Variants in PCDHA3 observed in about 807,000 individuals in gnomAD.
The protein encoded by PCDHA3 is protocadherin alpha-3.
A neutral mutation model predicts 62.2 loss-of-function variants in PCDHA3; 41 were observed. The ratio of observed to expected loss-of-function variants is 0.66; its 90% confidence interval spans 0.51 to 0.86. The LOEUF (loss-of-function observed/expected upper bound fraction) is 0.86, where lower values mean the gene tolerates loss of function less well. PCDHA3 is among the 40% of genes least tolerant of loss of function. The pLI is 0.00. For missense variants in PCDHA3, 1,304 were observed against 1,241.2 expected, an observed-to-expected ratio of 1.05 and a Z score of -0.76; for synonymous variants, 640 against 555.4, an observed-to-expected ratio of 1.15 and a Z score of -2.14.
At chr5:140,822,191 T>C in intron 1 of PCDHA3, 1 of 1,614,246 alleles carries the variant, frequency 6.2e-7, no homozygotes, top group Non-Finnish European at 8.5e-7. Context: ...GAACAAAGAT[T>C]ATTCATTTTA....
intron 1 of PCDHA3, chr5:140,849,333 T>G: frequency 2.9e-6 from 4 of 1,383,164 alleles, no homozygotes; most frequent in Non-Finnish European, 4.0e-6. Context: ...TATTATTTAC[T>G]CCTTCTCCAG....
intron 3 of PCDHA3, among the ~76,000 whole-genome samples, chr5:141,007,451 C>A (rs2098330384): frequency 6.6e-6 from 1 of 151,640 alleles, no homozygotes; most frequent in Non-Finnish European, 1.5e-5. Context: ...GCCTGTAGTC[C>A]CAGCTACTCA....
At chr5:140,919,516 A>G (rs1207061379) in intron 1 of PCDHA3, among the ~76,000 whole-genome samples, 2 of 152,078 alleles carry the variant, frequency 1.3e-5, no homozygotes. Flanking sequence ...TATATGTTTT[A>G]ATTCTCTTTT....
intron 1 of PCDHA3, chr5:140,884,546 T>C (rs1554181711): frequency 6.2e-7 from 1 of 1,614,082 alleles, no homozygotes; most frequent in Non-Finnish European, 8.5e-7. Flanking sequence ...GAGGGTGTGC[T>C]CTGGGGAGGG....
At chr5:140,877,920 C>A in intron 1 of PCDHA3, 1 of 1,422,738 alleles carries the variant, frequency 7.0e-7, no homozygotes, top group Admixed American at 2.9e-5. Flanking sequence ...TCTCATTTTT[C>A]TTTATGATTC....
At chr5:140,894,151 A>G (rs1554185957) in intron 1 of PCDHA3, among the ~76,000 whole-genome samples, 1 of 152,034 alleles carries the variant, frequency 6.6e-6, no homozygotes, top group Non-Finnish European at 1.5e-5. Flanking sequence ...CTTCTATGTA[A>G]TTATCCCTGA....
At chr5:140,829,177 C>T in intron 1 of PCDHA3, 2 of 1,614,106 alleles carry the variant, frequency 1.2e-6, no homozygotes, top group South Asian at 1.1e-5. Flanking sequence ...TACGTGAAGA[C>T]GCTCAATTTG....
intron 3 of PCDHA3, among the ~76,000 whole-genome samples, chr5:140,990,233 G>A (rs782139012): frequency 5.3e-5 from 8 of 152,128 alleles, no homozygotes; most frequent in Non-Finnish European, 8.8e-5. Flanking sequence ...TGTAACTAGC[G>A]TTGTATTCCT....
At chr5:140,926,575 C>T in intron 1 of PCDHA3, 1 of 273,448 alleles carries the variant, frequency 3.7e-6, no homozygotes, top group Non-Finnish European at 6.8e-6. Flanking sequence ...CTGGAGACAG[C>T]ACCTCTCGCG....
intron 3 of PCDHA3, among the ~76,000 whole-genome samples, chr5:140,993,715 G>A (rs954129865): frequency 2.0e-5 from 3 of 152,060 alleles, no homozygotes; most frequent in Non-Finnish European, 4.4e-5. Flanking sequence ...TATTTTTACT[G>A]TACCTTTTCT....
At chr5:140,828,741 G>C (rs201515728) in intron 1 of PCDHA3, 1 of 1,614,220 alleles carries the variant, frequency 6.2e-7, no homozygotes. Flanking sequence ...GCCACAGATG[G>C]GGGCAAACCT....
chr5:140,972,478 AC>A (rs2096537655), intron 1 of PCDHA3, among the ~76,000 whole-genome samples: 2 of 151,866 alleles, frequency 1.3e-5, no homozygotes, highest in Admixed American at 1.3e-4. Flanking sequence ...TCAGCATTTA[AC>A]CCCAGACTCT....
intron 1 of PCDHA3, chr5:140,807,122 G>T (rs1167466402): frequency 1.3e-6 from 2 of 1,540,096 alleles, no homozygotes; most frequent in Non-Finnish European, 8.8e-7. Context: ...TTGACTGACC[G>T]ATTAAAAGAT....
At position 140,877,189 on chromosome 5, in the gene PCDHA3, G is replaced by C. The variant is rs370743077; in HGVS notation, c.2394+73598G>C. ...ACTGCTGGCGACTCCGGCTGGCAGC[G>C]CAGGAGGCGCAGTTAGCGAGTTGGT... On this transcript the variant is annotated intron_variant, in intron 1 of 3. Coordinates refer to ENST00000522353, the MANE Select transcript of PCDHA3 (RefSeq NM_018906.3). The C allele has an allele frequency of 5.1e-5, 82 of 1,613,690 alleles. No homozygotes were observed. Among genetic ancestry groups the C allele is most frequent in the Non-Finnish European group, 6.4e-5 (75 of 1,179,826 alleles).
chr5:140,857,730 C>A (rs782671299), intron 1 of PCDHA3: 1 of 1,597,474 alleles, frequency 6.3e-7, no homozygotes, highest in Admixed American at 1.7e-5. Context: ...AACGACAACG[C>A]TCCCGCGCTG....
chr5:140,875,567 A>G (rs1389005721), intron 1 of PCDHA3: 14 of 1,613,986 alleles, frequency 8.7e-6, no homozygotes, highest in African/African-American at 2.7e-5. Context: ...GGCCAGCTCC[A>G]CTACTCCGTC....
At chr5:140,824,411 A>C (rs1768110610) in intron 1 of PCDHA3, 1 of 522,138 alleles carries the variant, frequency 1.9e-6, no homozygotes, top group East Asian at 3.2e-5. Context: ...TGTAAGACAT[A>C]GTTTGGAGTC....
intron 1 of PCDHA3, among the ~76,000 whole-genome samples, chr5:140,913,425 G>A (rs919355007): frequency 1.1e-4 from 16 of 152,094 alleles, no homozygotes; most frequent in African/African-American, 1.2e-4. Context: ...AGTATCAGTT[G>A]TAATGCCTCC....
intron 1 of PCDHA3, chr5:140,928,748 G>T (rs191251073): frequency 6.2e-7 from 1 of 1,614,114 alleles, no homozygotes; most frequent in Admixed American, 1.7e-5. Flanking sequence ...GGTGAGCTCC[G>T]TACTGCTCGC....
Sources: allele counts gnomAD v4.1 joint callset (sites outside exome capture counted in the v4.1 genomes callset), GRCh38; gene constraint gnomAD v4.1.1; transcripts MANE v1.5; gene names NCBI Gene and HGNC (gene_info 2026-07-23, HGNC 2026-07-21).